SAMD4B: variants seen among roughly 807,000 people sequenced by gnomAD.
The protein encoded by SAMD4B is protein Smaug homolog 2.
Under a neutral mutation model 74.5 loss-of-function variants are expected in SAMD4B, and 5 were observed. That is an observed-to-expected ratio of 0.07 (90% CI 0.04 to 0.14). The LOEUF (loss-of-function observed/expected upper bound fraction) is 0.14, where lower values mean the gene tolerates loss of function less well. Ranked by LOEUF, SAMD4B falls within the 10% of genes least tolerant of loss-of-function variation. The probability of loss-of-function intolerance (pLI) is 1.00; values close to 1 mark genes in which losing one functional copy is unlikely to be tolerated. For missense variants in SAMD4B, 608 were observed against 921.8 expected (o/e 0.66, Z 4.41); for synonymous variants, 373 against 374.9 (o/e 1.00, Z 0.06).
rs1053495187 is a variant in SAMD4B, at chr19:39,375,517, C to G, written c.668-133C>G. On this transcript the variant is annotated intron_variant, in intron 4 of 13. Coordinates refer to ENST00000610417, the MANE Select transcript of SAMD4B (RefSeq NM_001384574.2). The surrounding 1 kb of genome is among the most constrained non-coding windows in gnomAD (Gnocchi z 4.1). ...TGAGGTATATCTGGTAGGCAGTTAC[C>G]CTTGGACCCCAGGTCCCTTCCTCTT... 2.6e-6 allele frequency: 3 copies of G among 1,154,944 alleles called. No individual in the cohort carries two copies. Among genetic ancestry groups the G allele is most frequent in the Non-Finnish European group, 2.5e-6 (2 of 807,746 alleles). The allele number at this position is 1,154,944 out of a possible 1,614,324, so 71.5% of individuals were successfully genotyped here.
rs905050864 is a variant in SAMD4B, at chr19:39,383,408, G to A, written c.2057-91G>A. 14 of 1,567,216 alleles carry A rather than the reference G, an allele frequency of 8.9e-6. No homozygotes were observed. Among genetic ancestry groups the A allele is most frequent in the Non-Finnish European group, 1.1e-5 (13 of 1,137,232 alleles). On this transcript the variant is annotated intron_variant, in intron 13 of 13. Coordinates refer to ENST00000610417, the MANE Select transcript of SAMD4B (RefSeq NM_001384574.2). This position sits in a 1 kb window ranked among gnomAD's most constrained non-coding sequence, Gnocchi z 4.1. ...CAGGGGAGGCCAGACTCCAGGGAGG[G>A]CCTGACTGGGATGACAGGCTACCTG...
At chr19:39,380,948 C>T (rs760845234) in intron 11 of SAMD4B, 42 bp from the exon 12 acceptor site, 5 of 1,572,758 alleles carry the variant, frequency 3.2e-6, no homozygotes, top group Non-Finnish European at 2.6e-6. Flanking sequence ...GTCTGGGCCT[C>T]TTCTGCACTC....
chr19:39,368,722 C>G (rs1304115935), intron 3 of SAMD4B, among the ~76,000 whole-genome samples: 2 of 152,198 alleles, frequency 1.3e-5, no homozygotes, highest in Admixed American at 1.3e-4. Flanking sequence ...AAAACAATAG[C>G]AAGCATTTAT....
chr19:39,343,982 A>AG (rs2075514004), intron 1 of SAMD4B, among the ~76,000 whole-genome samples: 1 of 52,726 alleles, frequency 1.9e-5, no homozygotes, highest in East Asian at 6.9e-4. Context: ...GGTTTTCAGG[A>AG]CCCCCCCCCC....
At chr19:39,343,673 A>G (rs1365434641) in intron 1 of SAMD4B, among the ~76,000 whole-genome samples, 2 of 151,230 alleles carry the variant, frequency 1.3e-5, no homozygotes, top group South Asian at 2.1e-4. Flanking sequence ...CATTCTAAAA[A>G]TCTCCAGCAA....
the SAMD4B span, chr19:39,390,744 G>T: frequency 2.1e-6 from 3 of 1,456,744 alleles, no homozygotes; most frequent in South Asian, 3.6e-5. Context: ...CAGACCTGGG[G>T]GCTGGTGACG....
intron 3 of SAMD4B, among the ~76,000 whole-genome samples, chr19:39,368,908 A>G (rs998618744): frequency 6.6e-6 from 1 of 152,352 alleles, no homozygotes; most frequent in East Asian, 1.9e-4. Flanking sequence ...ATCTGATTCC[A>G]GAGCCCAAGC....
rs1189286627 is a variant in SAMD4B at position 39,378,354 on chromosome 19, A to G, written c.1445-150A>G. ...AGGCACTATGTTGTATATCCTCATG[A>G]TAACCCAAATACCATGGCTAGCACT... On this transcript the variant is annotated intron_variant, in intron 8 of 13. Coordinates refer to ENST00000610417, the MANE Select transcript of SAMD4B (RefSeq NM_001384574.2). This position sits in a 1 kb window ranked among gnomAD's most constrained non-coding sequence, Gnocchi z 4.4. 1.6e-6 allele frequency: 1 copy of G among 643,284 alleles called. No homozygotes were observed. The highest frequency in any genetic ancestry group is 4.3e-4 in the Middle Eastern group (1 of 2,312). The allele number at this position is 643,284 out of a possible 1,614,324, so 39.8% of individuals were successfully genotyped here.
chr19:39,356,004 G>A (rs2076323723), intron 2 of SAMD4B, among the ~76,000 whole-genome samples: 1 of 152,192 alleles, frequency 6.6e-6, no homozygotes, highest in Non-Finnish European at 1.5e-5. Context: ...CAGAGTCAGG[G>A]AAGCTGGGTT....
chr19:39,345,961 G>A (rs768830683), intron 1 of SAMD4B, among the ~76,000 whole-genome samples: 4 of 151,868 alleles, frequency 2.6e-5, no homozygotes, highest in African/African-American at 4.8e-5. Flanking sequence ...TCCTGATTCT[G>A]AGCTACCCCA....
At chr19:39,345,055 G>T (rs1272615432) in intron 1 of SAMD4B, among the ~76,000 whole-genome samples, 2 of 152,142 alleles carry the variant, frequency 1.3e-5, no homozygotes, top group Admixed American at 1.3e-4. Context: ...ATCCCACTCA[G>T]ATCTACTGAA....
chr19:39,383,870 C>A lies in SAMD4B; in HGVS notation c.*343C>A. Reference sequence around the variant, plus strand: ...AGACCGCTGACCACCTGCCTCTCCCCAAGGGAGCAGACTCCCCAGAGACAA... The same window carrying A: ...AGACCGCTGACCACCTGCCTCTCCCAAAGGGAGCAGACTCCCCAGAGACAA... On this transcript the variant is annotated 3_prime_UTR_variant, in exon 14 of 14. Coordinates refer to ENST00000610417, the MANE Select transcript of SAMD4B (RefSeq NM_001384574.2). The surrounding 1 kb of genome is among the most constrained non-coding windows in gnomAD (Gnocchi z 4.1). 1 of 672,532 alleles carries A rather than the reference C, an allele frequency of 1.5e-6. No individual in the cohort carries two copies. The highest frequency in any genetic ancestry group is 2.5e-6 in the Non-Finnish European group (1 of 398,060). The allele number at this position is 672,532 out of a possible 1,614,324, so 41.7% of individuals were successfully genotyped here.
intron 1 of SAMD4B, among the ~76,000 whole-genome samples, chr19:39,346,257 A>G (rs114103930): frequency 4.8e-4 from 73 of 152,274 alleles, no homozygotes; most frequent in African/African-American, 1.7e-3. Context: ...ATTTGGAAAG[A>G]CTTCACAGAA....
At chr19:39,364,800 A>G (rs1410244363) in intron 3 of SAMD4B, among the ~76,000 whole-genome samples, 1 of 152,214 alleles carries the variant, frequency 6.6e-6, no homozygotes, top group Non-Finnish European at 1.5e-5. Context: ...CCTGAAGGAC[A>G]GCTTCATAAT....
intron 1 of SAMD4B, chr19:39,351,351 T>C (rs879668599): frequency 4.6e-5 from 7 of 152,250 alleles, no homozygotes; most frequent in Non-Finnish European, 1.0e-4. Context: ...AGAAGATCAC[T>C]TGGACCTCTT....
downstream of SAMD4B, chr19:39,389,229 C>T: frequency 6.2e-7 from 1 of 1,606,120 alleles, no homozygotes. The surrounding 1 kb of genome is among the most constrained non-coding windows in gnomAD (Gnocchi z 5.3). Context: ...CCTTAGGGGC[C>T]ACTGGACACA....
downstream of SAMD4B, chr19:39,388,929 T>C (rs772298620): frequency 1.2e-6 from 2 of 1,613,578 alleles, no homozygotes; most frequent in Non-Finnish European, 1.7e-6. Flanking sequence ...CCTTTCTACC[T>C]CCCACCTTGG....
At chr19:39,381,520 T>C (rs2077986100) in intron 12 of SAMD4B, among the ~76,000 whole-genome samples, 1 of 152,202 alleles carries the variant, frequency 6.6e-6, no homozygotes, top group East Asian at 1.9e-4. Flanking sequence ...CCCATCAGCC[T>C]ACTGGGATTC....
At chr19:39,361,404 C>G (rs1011642897) in intron 3 of SAMD4B, among the ~76,000 whole-genome samples, 4 of 151,548 alleles carry the variant, frequency 2.6e-5, no homozygotes, top group African/African-American at 9.7e-5. Flanking sequence ...ATCATGAGGT[C>G]AGGAGATTGA....
Sources: gnomAD v4.1 joint callset for allele counts (sites outside exome capture counted in the v4.1 genomes callset) on GRCh38, gnomAD v4.1.1 for gene constraint, Gnocchi (gnomAD v3.1) non-coding constraint, MANE v1.5 for transcripts, NCBI Gene and HGNC (gene_info 2026-07-23, HGNC 2026-07-21) for gene names.